HACE1: variants seen among roughly 807,000 people sequenced by gnomAD.
HACE1 encodes the protein E3 ubiquitin-protein ligase HACE1.
A neutral mutation model predicts 118.4 loss-of-function variants in HACE1; 73 were observed. That is an observed-to-expected ratio of 0.62 (90% CI 0.51 to 0.75). The LOEUF (loss-of-function observed/expected upper bound fraction) is 0.75. HACE1 is among the 30% of genes least tolerant of loss of function. The pLI is 0.00. For missense variants in HACE1, 749 were observed against 1,102.2 expected, an observed-to-expected ratio of 0.68 and a Z score of 4.54; for synonymous variants, 368 against 374.8, an observed-to-expected ratio of 0.98 and a Z score of 0.21.
intron 18 of HACE1, 110 bp downstream of exon 18, chr6:104,771,815 A>G (rs558591825): frequency 1.2e-6 from 1 of 810,704 alleles, no homozygotes; most frequent in South Asian, 1.6e-5. Flanking sequence ...ATGGGCTCCA[A>G]TCAAAATAAA....
chr6:104,851,108 A>G (rs1367257936), intron 2 of HACE1, 112 bp from the exon 3 acceptor site: 3 of 719,872 alleles, frequency 4.2e-6, no homozygotes, highest in African/African-American at 1.7e-5. Flanking sequence ...TGTTGAGACA[A>G]GAGTCTTGCT....
At chr6:104,799,178 T>C (rs1770021294) in intron 7 of HACE1, among the ~76,000 whole-genome samples, 1 of 152,356 alleles carries the variant, frequency 6.6e-6, no homozygotes, top group East Asian at 1.9e-4. Context: ...GTGACACTGT[T>C]ATAAGCATTG....
At chr6:104,747,919 T>G (rs1274700602) in intron 20 of HACE1, among the ~76,000 whole-genome samples, 2 of 152,120 alleles carry the variant, frequency 1.3e-5, no homozygotes, top group African/African-American at 4.8e-5. Flanking sequence ...ACTAGGAACC[T>G]GATCTAAATT....
rs781586315 is a variant in HACE1, at chr6:104,785,248, T to C, written c.1146A>G (p.Lys382=). Residue 382 remains lysine, a synonymous_variant, in exon 12 of 24, where the codon AAA becomes AAG. Coordinates refer to ENST00000262903, the MANE Select transcript of HACE1 (RefSeq NM_020771.4). ...TAGAAGTGATCTCTGTTGAGTCTCT[T>C]TTGTTTTTCATCAATTCTGTGGCTA... ...VLIATELMKN[K]RDSTEITSIL... The C allele has an allele frequency of 1.9e-6, 3 of 1,613,076 alleles. No homozygotes were observed. Among genetic ancestry groups the C allele is most frequent in the East Asian group, 4.5e-5 (2 of 44,878 alleles).
At chr6:104,773,040 G>T (rs1247107881) in intron 17 of HACE1, among the ~76,000 whole-genome samples, 1 of 150,930 alleles carries the variant, frequency 6.6e-6, no homozygotes. Flanking sequence ...TAAAAAAAAA[G>T]TCTCAAAAAA....
chr6:104,758,976 A>C, intron 19 of HACE1, among the ~76,000 whole-genome samples: 1 of 152,206 alleles, frequency 6.6e-6, no homozygotes, highest in Middle Eastern at 3.2e-3. Flanking sequence ...TAATGGTAAA[A>C]GGATCAATGC....
chr6:104,816,671 T>C (rs1772147939), intron 6 of HACE1, among the ~76,000 whole-genome samples: 1 of 151,998 alleles, frequency 6.6e-6, no homozygotes, highest in Non-Finnish European at 1.5e-5. Flanking sequence ...CAGGGCACTG[T>C]CTAGTAGAGC....
At chr6:104,852,233 G>GCA (rs1776304896) in intron 2 of HACE1, 84 bp downstream of exon 2, 15 of 779,892 alleles carry the variant, frequency 1.9e-5, no homozygotes, top group Middle Eastern at 2.3e-4. Flanking sequence ...GTGTGTGCGC[G>GCA]CGTGCGCGTG....
At chr6:104,730,822 G>A in intron 22 of HACE1, 1 of 189,210 alleles carries the variant, frequency 5.3e-6, no homozygotes, top group Non-Finnish European at 1.1e-5. Flanking sequence ...AATGTTTGTT[G>A]AATAGATTAA....
In HACE1 at chr6:104,833,169, T is replaced by C. The variant is rs1167700160; in HGVS notation, c.407A>G (p.His136Arg). 4 of 1,613,284 alleles carry C rather than the reference T, an allele frequency of 2.5e-6. No individual in the cohort carries two copies. The highest frequency in any genetic ancestry group is 2.5e-6 in the Non-Finnish European group (3 of 1,179,360). The change falls in exon 6 of 24, where the codon CAT (histidine) becomes CGT (arginine). Residue 136 changes from histidine to arginine, a missense_variant. Coordinates refer to ENST00000262903, the MANE Select transcript of HACE1 (RefSeq NM_020771.4). ...TGTCCGCCCATTCACAGCCAGCCAA[T>C]GTATCTGTGAAGCCATTTAGTTACT... is the stretch of plus-strand genomic sequence containing the variant. ...ICNNEGLTAI[H>R]WLAVNGRTEL...
Position 104,795,679 on chromosome 6 carries a change from G to A in HACE1, c.823C>T (p.Gln275Ter), listed in dbSNP as rs1265189873. 3 of 1,601,014 alleles carry A rather than the reference G, an allele frequency of 1.9e-6. No homozygotes were observed. Among genetic ancestry groups the A allele is most frequent in the Non-Finnish European group, 2.6e-6 (3 of 1,168,260 alleles). Residue 275 changes from glutamine (Q) to a stop codon, truncating the protein, a stop_gained, in exon 10 of 24, where the codon CAA becomes TAA. Transcript: ENST00000262903. LOFTEE classifies it high-confidence loss of function. The part of the protein sequence containing the change: ...NEDLRENMLR[Q>*]VLEHLSQQSE... ...TGCTGAGACAAATGCTCCAGAACTT[G>A]CCGTAACTAAATTTTTTACAAATAA... is the stretch of plus-strand genomic sequence containing the variant.
intron 14 of HACE1, among the ~76,000 whole-genome samples, chr6:104,781,015 T>A (rs1448715807): frequency 6.6e-6 from 1 of 152,188 alleles, no homozygotes; most frequent in Non-Finnish European, 1.5e-5. Flanking sequence ...ACCACAGAAG[T>A]GATGCCATGA....
intron 22 of HACE1, among the ~76,000 whole-genome samples, chr6:104,741,914 G>A (rs11510521): frequency 5.1e-4 from 78 of 151,620 alleles, no homozygotes; most frequent in African/African-American, 1.6e-3. Flanking sequence ...CAAACTATAC[G>A]ACAAGGCTAC....
At chr6:104,761,564 C>T (rs1268699981) in intron 19 of HACE1, among the ~76,000 whole-genome samples, 6 of 152,206 alleles carry the variant, frequency 3.9e-5, no homozygotes, top group African/African-American at 1.2e-4. Context: ...GGATGAAAGA[C>T]TTAAACGTAA....
intron 19 of HACE1, among the ~76,000 whole-genome samples, chr6:104,754,577 T>A (rs976465243): frequency 6.6e-6 from 1 of 152,092 alleles, no homozygotes; most frequent in Admixed American, 6.5e-5. Context: ...TTCAGACTAA[T>A]AGCAAACCTC....
chr6:104,786,771 A>T (rs865988011), intron 11 of HACE1: 47 of 152,328 alleles, frequency 3.1e-4, no homozygotes, highest in African/African-American at 8.7e-4. Context: ...TCCTTCTGCA[A>T]ATAAATATAA....
At chr6:104,820,028 C>G (rs938060409) in intron 6 of HACE1, among the ~76,000 whole-genome samples, 35 of 151,938 alleles carry the variant, frequency 2.3e-4, no homozygotes, top group African/African-American at 8.5e-4. Flanking sequence ...AACCCCATCT[C>G]TACTAAAAAT....
intron 14 of HACE1, among the ~76,000 whole-genome samples, chr6:104,781,290 C>G (rs1275140970): frequency 1.4e-4 from 21 of 152,142 alleles, no homozygotes; most frequent in Admixed American, 1.3e-3. Context: ...GGAGTCCATT[C>G]AAGCTGTCTT....
intron 19 of HACE1, among the ~76,000 whole-genome samples, chr6:104,756,720 C>T (rs1245801507): frequency 2.6e-5 from 4 of 152,082 alleles, no homozygotes; most frequent in East Asian, 1.9e-4. Flanking sequence ...CCACGGAGGG[C>T]GAGCCAAAGC....
Sources: allele counts gnomAD v4.1 joint callset (sites outside exome capture counted in the v4.1 genomes callset), GRCh38; gene constraint gnomAD v4.1.1; transcripts MANE v1.5; gene names NCBI Gene and HGNC (gene_info 2026-07-23, HGNC 2026-07-21).